VWC2: variants seen among roughly 807,000 people sequenced by gnomAD.
The protein encoded by VWC2 is von Willebrand factor C domain containing 2.
A neutral mutation model predicts 29.8 loss-of-function variants in VWC2; 14 were observed. The observed-to-expected ratio is 0.47, with a 90% CI of 0.31 to 0.74. VWC2 has a LOEUF of 0.74. Ranked by LOEUF, VWC2 falls within the 30% of genes least tolerant of loss-of-function variation. VWC2 has a pLI of 0.05. For missense variants in VWC2, 457 were observed against 459.8 expected, an observed-to-expected ratio of 0.99 and a Z score of 0.05; for synonymous variants, 213 against 199.0, an observed-to-expected ratio of 1.07 and a Z score of -0.59.
intron 3 of VWC2, among the ~76,000 whole-genome samples, chr7:49,831,823 A>G (rs1789535179): frequency 6.6e-6 from 1 of 152,204 alleles, no homozygotes; most frequent in Non-Finnish European, 1.5e-5. Context: ...ATAAAAGACT[A>G]TTGCAAGTGG....
chr7:49,922,044 T>C (rs1375026539), downstream of VWC2: 10 of 152,204 alleles, frequency 6.6e-5, no homozygotes, highest in African/African-American at 2.4e-4. Context: ...AAAATGTATA[T>C]ACGTCATTAA....
At chr7:49,910,212 G>A (rs1032618583) in intron 3 of VWC2, among the ~76,000 whole-genome samples, 1 of 152,156 alleles carries the variant, frequency 6.6e-6, no homozygotes. Context: ...AGAAGCGGGG[G>A]CCCTCCACCT....
intron 3 of VWC2, among the ~76,000 whole-genome samples, chr7:49,851,550 C>T (rs1790178272): frequency 6.6e-6 from 1 of 152,162 alleles, no homozygotes; most frequent in Non-Finnish European, 1.5e-5. Flanking sequence ...GGCTCTGGGA[C>T]CAACTCTGAA....
chr7:49,811,889 A>G (rs1182854473), intron 3 of VWC2, among the ~76,000 whole-genome samples: 2 of 152,226 alleles, frequency 1.3e-5, no homozygotes, highest in Non-Finnish European at 2.9e-5. Flanking sequence ...TATTATTCCT[A>G]GAATTATTAT....
chr7:49,877,482 ATATATATATAT>A (rs372912539), intron 3 of VWC2, among the ~76,000 whole-genome samples: 1,087 of 20,342 alleles, frequency 0.053, 270 homozygotes, highest in South Asian at 0.25. Context: ...AAAAAAAAAA[ATATATATATAT>A]ATATATATAT....
intron 3 of VWC2, among the ~76,000 whole-genome samples, chr7:49,879,325 T>C (rs1337622209): frequency 3.3e-5 from 5 of 152,172 alleles, no homozygotes; most frequent in Non-Finnish European, 7.3e-5. Context: ...TCTTGTCTGA[T>C]CTCATGTGTT....
intron 3 of VWC2, among the ~76,000 whole-genome samples, chr7:49,803,760 A>G (rs1445108542): frequency 6.6e-6 from 1 of 152,158 alleles, no homozygotes; most frequent in Non-Finnish European, 1.5e-5. Context: ...GGATGGTGAC[A>G]CAGGGGTGGT....
intron 3 of VWC2, among the ~76,000 whole-genome samples, chr7:49,908,509 A>G (rs1360248925): frequency 6.6e-6 from 1 of 152,200 alleles, no homozygotes; most frequent in Admixed American, 6.5e-5. Context: ...ATCTAAGAGG[A>G]AAATTTTTGA....
intron 2 of VWC2, among the ~76,000 whole-genome samples, chr7:49,789,011 AGT>A (rs1445194501): frequency 7.9e-5 from 10 of 127,316 alleles, no homozygotes; most frequent in East Asian, 7.6e-4. Context: ...CATGCTTGAA[AGT>A]GTGTCAGTGT....
At chr7:49,804,172 TA>T (rs1381153901) in intron 3 of VWC2, among the ~76,000 whole-genome samples, 40 of 146,644 alleles carry the variant, frequency 2.7e-4, no homozygotes, top group South Asian at 4.3e-4. Flanking sequence ...GTTTTTTTTT[TA>T]AAAAAAAAAA....
intron 3 of VWC2, among the ~76,000 whole-genome samples, chr7:49,852,697 G>A (rs890437903): frequency 5.3e-5 from 8 of 151,912 alleles, no homozygotes; most frequent in Non-Finnish European, 1.0e-4. Flanking sequence ...GATGGGGGAC[G>A]GGCCTTGCTC....
chr7:49,865,768 T>C (rs1790859212), intron 3 of VWC2, among the ~76,000 whole-genome samples: 1 of 152,200 alleles, frequency 6.6e-6, no homozygotes, highest in African/African-American at 2.4e-5. Flanking sequence ...AGCCTCCTGA[T>C]CCACCCACCT....
intron 2 of VWC2, among the ~76,000 whole-genome samples, chr7:49,788,773 GGTGT>G (rs200537675): frequency 0.069 from 9,886 of 142,828 alleles, 994 homozygotes; most frequent in African/African-American, 0.23. Flanking sequence ...TGTGAGAGAG[GGTGT>G]GTATGAGTGT....
chr7:49,836,006 A>G (rs1375407774), intron 3 of VWC2, among the ~76,000 whole-genome samples: 2 of 152,228 alleles, frequency 1.3e-5, no homozygotes, highest in Non-Finnish European at 2.9e-5. Context: ...ATTCCTAGGC[A>G]TTAAATCATA....
intron 3 of VWC2, among the ~76,000 whole-genome samples, chr7:49,907,549 T>C (rs1793172167): frequency 6.6e-6 from 1 of 152,208 alleles, no homozygotes; most frequent in Admixed American, 6.5e-5. Context: ...AAGAGATTTA[T>C]TCTGAGCCAA....
chr7:49,811,515 GAGGCCTCCCC>G (rs1789005476), intron 3 of VWC2, among the ~76,000 whole-genome samples: 1 of 152,160 alleles, frequency 6.6e-6, no homozygotes, highest in East Asian at 1.9e-4. Context: ...TAAGTTTCCT[GAGGCCTCCCC>G]AGCCACACAG....
chr7:49,901,275 C>G (rs1012447418), intron 3 of VWC2: 2 of 151,704 alleles, frequency 1.3e-5, no homozygotes, highest in Non-Finnish European at 3.0e-5. Flanking sequence ...AGAAATAAAA[C>G]TGTCTTTGTT....
In VWC2 at chr7:49,803,821, G is replaced by A. The variant is rs1275474180; in HGVS notation, c.826+981G>A. ...TCTGTCATGACAGTCGAAATTGTGCGGGCCATGAGGTTCCATGGGTACCTT... is the reference window on the plus strand; with the variant it reads ...TCTGTCATGACAGTCGAAATTGTGCAGGCCATGAGGTTCCATGGGTACCTT... On this transcript the variant is annotated intron_variant, in intron 3 of 3. Transcript: ENST00000340652. Among the ~76,000 whole-genome samples the A allele has an allele frequency of 5.3e-5, 8 of 152,110 alleles. No individual in the cohort carries two copies. The South Asian group carries it at 1.5e-3, about 28-fold the overall frequency.
intron 3 of VWC2, among the ~76,000 whole-genome samples, chr7:49,822,320 G>C (rs1215347043): frequency 6.6e-6 from 1 of 152,172 alleles, no homozygotes; most frequent in Non-Finnish European, 1.5e-5. Context: ...TACTGAGGTA[G>C]ACCTCACATA....
Sources: allele counts gnomAD v4.1 joint callset (sites outside exome capture counted in the v4.1 genomes callset), GRCh38; gene constraint gnomAD v4.1.1; transcripts MANE v1.5; gene names NCBI Gene and HGNC (gene_info 2026-07-23, HGNC 2026-07-21).